The following ASTN2 variants were observed in gnomAD, a reference collection of about 807,000 sequenced individuals.
The protein encoded by ASTN2 is astrotactin 2.
In ASTN2, 54 loss-of-function variants were observed where a neutral mutation model predicts 139.8. That is an observed-to-expected ratio of 0.39 (90% CI 0.31 to 0.48). ASTN2 has a LOEUF of 0.48. ASTN2 is among the 20% of genes least tolerant of loss of function. The pLI, the probability that ASTN2 is intolerant of heterozygous loss-of-function variation, is 0.95. For missense variants in ASTN2, 1,565 were observed against 1,725.1 expected, an observed-to-expected ratio of 0.91 and a Z score of 1.64; for synonymous variants, 756 against 719.5, an observed-to-expected ratio of 1.05 and a Z score of -0.81.
intron 11 of ASTN2, among the ~76,000 whole-genome samples, chr9:116,831,093 C>T (rs147627071): frequency 5.5e-4 from 84 of 152,000 alleles, no homozygotes; most frequent in African/African-American, 1.5e-3. Context: ...AACTCAGAAA[C>T]GGAAAGTCAA....
At chr9:117,013,528 C>A (rs1588480599) in intron 6 of ASTN2, among the ~76,000 whole-genome samples, 1 of 150,464 alleles carries the variant, frequency 6.6e-6, no homozygotes, top group African/African-American at 2.4e-5. Flanking sequence ...TATACATCAT[C>A]TAATTAGCTA....
chr9:116,470,380 A>G (rs1848775892), intron 20 of ASTN2, among the ~76,000 whole-genome samples: 1 of 152,092 alleles, frequency 6.6e-6, no homozygotes, highest in Non-Finnish European at 1.5e-5. Context: ...GGGATGCTGG[A>G]TCAGTTAATA....
At chr9:117,372,682 T>C (rs1393642173) in intron 1 of ASTN2, among the ~76,000 whole-genome samples, 1 of 152,138 alleles carries the variant, frequency 6.6e-6, no homozygotes, top group Non-Finnish European at 1.5e-5. Flanking sequence ...ATACATGATA[T>C]TGAATTAATT....
intron 16 of ASTN2, among the ~76,000 whole-genome samples, chr9:116,688,141 G>A (rs533616801): frequency 6.6e-6 from 1 of 152,184 alleles, no homozygotes; most frequent in East Asian, 1.9e-4. Context: ...GCTGAGTGTG[G>A]CAGAGATTTG....
intron 19 of ASTN2, among the ~76,000 whole-genome samples, chr9:116,597,308 T>TTTTTTTTTG (rs1326939317): frequency 1.6e-4 from 23 of 140,362 alleles, no homozygotes; most frequent in African/African-American, 5.8e-4. Flanking sequence ...TATTTTTTTT[T>TTTTTTTTTG]TTTTTTTTTT....
chr9:117,075,206 G>A (rs1430826580), intron 5 of ASTN2, among the ~76,000 whole-genome samples: 1 of 152,164 alleles, frequency 6.6e-6, no homozygotes, highest in African/African-American at 2.4e-5. Context: ...TGGTCCATTT[G>A]TAGCAGTCCC....
intron 20 of ASTN2, among the ~76,000 whole-genome samples, chr9:116,465,242 C>T (rs966956378): frequency 1.2e-4 from 19 of 152,208 alleles, no homozygotes; most frequent in Non-Finnish European, 2.5e-4. Context: ...CCCTGTGCAG[C>T]CTTTGTCTAA....
At chr9:117,184,852 G>A (rs1162215748) in intron 3 of ASTN2, among the ~76,000 whole-genome samples, 2 of 152,164 alleles carry the variant, frequency 1.3e-5, no homozygotes, top group African/African-American at 4.8e-5. Flanking sequence ...ACTCAGGGAG[G>A]AGATATGACT....
At chr9:116,686,547 G>A (rs1370581676) in intron 16 of ASTN2, 7 of 749,460 alleles carry the variant, frequency 9.3e-6, no homozygotes, top group Non-Finnish European at 1.3e-5. Context: ...ACTGCAGGTC[G>A]TGGCCAGCCA....
At chr9:117,409,706 G>C (rs956453463) in intron 1 of ASTN2, among the ~76,000 whole-genome samples, 1 of 152,208 alleles carries the variant, frequency 6.6e-6, no homozygotes, top group African/African-American at 2.4e-5. Flanking sequence ...TATGGGCACA[G>C]CTCACTGAAG....
intron 10 of ASTN2, among the ~76,000 whole-genome samples, chr9:116,865,380 AG>A (rs1263384660): frequency 1.6e-5 from 2 of 126,220 alleles, no homozygotes; most frequent in Non-Finnish European, 3.2e-5. Flanking sequence ...CTGAGGTGAG[AG>A]GATCTCTTGA....
Position 116,699,857 on chromosome 9 carries a change from T to G in ASTN2, c.2806+25914A>C, listed in dbSNP as rs549577425. ...TCAGAAGCTCCATCTTTTAATGTTT[T>G]TATTTGTTATGTCCCCCTCCCCGCT... is the stretch of plus-strand genomic sequence containing the variant. On this transcript the variant is annotated intron_variant, in intron 16 of 22. Transcript: ENST00000313400. The surrounding 1 kb of genome is among the most constrained non-coding windows in gnomAD (Gnocchi z 4.2). 8 of 1,028,196 alleles carry G rather than the reference T, an allele frequency of 7.8e-6. No homozygotes were observed. In the East Asian group the frequency reaches 1.6e-4, roughly 20 times the overall value. The allele number at this position is 1,028,196 out of a possible 1,614,324, so 63.7% of individuals were successfully genotyped here.
intron 10 of ASTN2, among the ~76,000 whole-genome samples, chr9:116,888,102 T>C (rs1229798667): frequency 6.6e-6 from 1 of 152,144 alleles, no homozygotes; most frequent in Non-Finnish European, 1.5e-5. Context: ...CAATCTAAAA[T>C]AAATGTATTC....
chr9:116,470,508 C>A (rs977125932), intron 20 of ASTN2, among the ~76,000 whole-genome samples: 7 of 152,066 alleles, frequency 4.6e-5, no homozygotes, highest in Non-Finnish European at 8.8e-5. Flanking sequence ...GTTTTCTCAT[C>A]TGCAAAATAG....
chr9:116,846,873 C>T (rs919663189), intron 11 of ASTN2, among the ~76,000 whole-genome samples: 2 of 152,038 alleles, frequency 1.3e-5, no homozygotes, highest in Non-Finnish European at 2.9e-5. Flanking sequence ...CTTTCCCCTA[C>T]AGCCTCTTAA....
At chr9:116,476,475 C>T (rs2119035193) in intron 20 of ASTN2, among the ~76,000 whole-genome samples, 1 of 152,218 alleles carries the variant, frequency 6.6e-6, no homozygotes, top group South Asian at 2.1e-4. Flanking sequence ...TTGGTGTCCC[C>T]ACGGTCCCTG....
intron 3 of ASTN2, among the ~76,000 whole-genome samples, chr9:117,158,357 A>G (rs1830474775): frequency 6.6e-6 from 1 of 152,050 alleles, no homozygotes; most frequent in African/African-American, 2.4e-5. Flanking sequence ...GAATTGGAGG[A>G]GACAGGAAGA....
At chr9:116,976,603 G>T in intron 8 of ASTN2, 98 bp downstream of exon 8, 1 of 1,006,246 alleles carries the variant, frequency 9.9e-7, no homozygotes. Context: ...CAGAGAAAGA[G>T]TCCTCTTTGT....
At chr9:117,307,122 G>A (rs181846713) in intron 1 of ASTN2, among the ~76,000 whole-genome samples, 4 of 152,278 alleles carry the variant, frequency 2.6e-5, no homozygotes, top group Non-Finnish European at 4.4e-5. Flanking sequence ...TCAACCGGGG[G>A]AACACACCCA....
Sources: allele counts gnomAD v4.1 joint callset (sites outside exome capture counted in the v4.1 genomes callset), GRCh38; gene constraint gnomAD v4.1.1; non-coding constraint Gnocchi (gnomAD v3.1); transcripts MANE v1.5; gene names NCBI Gene and HGNC (gene_info 2026-07-23, HGNC 2026-07-21).